The following ZNF451 variants were observed in gnomAD, a reference collection of about 807,000 sequenced individuals.
The protein encoded by ZNF451 is zinc finger protein 451.
ZNF451 carries 80 observed loss-of-function variants against 107.1 expected under a neutral mutation model. The ratio of observed to expected loss-of-function variants is 0.75; its 90% CI spans 0.62 to 0.90. The LOEUF (loss-of-function observed/expected upper bound fraction) is 0.90. Among genes scored for constraint, ZNF451 ranks in the 40% least tolerant of loss-of-function variants. The probability of loss-of-function intolerance (pLI) is 0.00; values close to 1 mark genes in which losing one functional copy is unlikely to be tolerated. For missense variants in ZNF451, 1,107 were observed against 1,236.2 expected (o/e 0.90, Z 1.57); for synonymous variants, 362 against 406.5 (o/e 0.89, Z 1.32).
At chr6:57,103,514 C>T in intron 3 of ZNF451, 1 of 985,362 alleles carries the variant, frequency 1.0e-6, no homozygotes, top group Non-Finnish European at 1.2e-6. Flanking sequence ...TCTTTAGACT[C>T]AAGGTAGTGG....
Position 57,099,121 on chromosome 6 carries a change from C to T in ZNF451, c.166C>T (p.Pro56Ser). 1 of 1,612,064 alleles carries T rather than the reference C, an allele frequency of 6.2e-7. No homozygotes were observed. Among genetic ancestry groups the T allele is most frequent in the Non-Finnish European group, 8.5e-7 (1 of 1,178,254 alleles). ...IDLVSSDDEE[P>S]STSYTDENIK... ...TCTGGTCAGCAGTGATGATGAAGAGCCTAGCACCTCTTATACTGATGTAAG... is the reference window on the plus strand; with the variant it reads ...TCTGGTCAGCAGTGATGATGAAGAGTCTAGCACCTCTTATACTGATGTAAG... Residue 56 changes from proline to serine, a missense_variant, in exon 3 of 15, where the codon CCT becomes TCT. By Grantham distance (74) the Pro-to-Ser change is moderately conservative. Coordinates refer to ENST00000370706, the MANE Select transcript of ZNF451 (RefSeq NM_001031623.3).
At chr6:57,152,859 G>A (rs1342774778) in intron 12 of ZNF451, among the ~76,000 whole-genome samples, 6 of 152,164 alleles carry the variant, frequency 3.9e-5, no homozygotes, top group African/African-American at 1.4e-4. Flanking sequence ...CTCCCAAAGT[G>A]CTGGGATTAC....
chr6:57,094,434 G>A (rs1165844112), intron 2 of ZNF451, among the ~76,000 whole-genome samples: 2 of 151,988 alleles, frequency 1.3e-5, no homozygotes, highest in African/African-American at 2.4e-5. Flanking sequence ...CCAGCCTTCC[G>A]AGTAGCTGGG....
intron 13 of ZNF451, among the ~76,000 whole-genome samples, chr6:57,154,745 A>G (rs914775020): frequency 2.0e-5 from 3 of 152,180 alleles, no homozygotes; most frequent in African/African-American, 7.2e-5. Context: ...AGAAATATGG[A>G]TAGAATAATT....
chr6:57,104,493 A>G (rs1158961003), intron 3 of ZNF451: 1 of 985,362 alleles, frequency 1.0e-6, no homozygotes, highest in Non-Finnish European at 1.2e-6. Context: ...TCTTATTTCA[A>G]ACCTTAAACT....
At chr6:57,126,055 C>G (rs892483665) in intron 4 of ZNF451, among the ~76,000 whole-genome samples, 5 of 152,086 alleles carry the variant, frequency 3.3e-5, no homozygotes, top group African/African-American at 7.2e-5. Flanking sequence ...CCCAGGCAGT[C>G]TTAATGGCTA....
chr6:57,143,462 T>C (rs1831883250), intron 9 of ZNF451, among the ~76,000 whole-genome samples: 1 of 152,224 alleles, frequency 6.6e-6, no homozygotes, highest in African/African-American at 2.4e-5. Flanking sequence ...CTCTTTAAAC[T>C]TTGAGTTTAA....
chr6:57,124,880 T>C (rs754869904), intron 4 of ZNF451, 21 bp downstream of exon 4: 1 of 1,386,686 alleles, frequency 7.2e-7, no homozygotes, highest in East Asian at 2.7e-5. Context: ...TTTTAATTGG[T>C]ATTTTATATA....
In ZNF451 at chr6:57,124,723, T is replaced by C. The variant is rs1252919713; in HGVS notation, c.187-11T>C. 6.4e-7 allele frequency: 1 copy of C among 1,558,812 alleles called. No individual in the cohort carries two copies. Among genetic ancestry groups the C allele is most frequent in the East Asian group, 2.2e-5 (1 of 44,518 alleles). On this transcript the variant is annotated splice_polypyrimidine_tract_variant and intron_variant, in intron 3 of 14. Transcript: ENST00000370706. ...TTGTTAAAAGGAATGAAAATTTTTTTCATGTTATAGGAGAATATTAAACGT... is the reference window on the plus strand; with the variant it reads ...TTGTTAAAAGGAATGAAAATTTTTTCCATGTTATAGGAGAATATTAAACGT...
intron 3 of ZNF451, chr6:57,109,347 A>G (rs1830010343): frequency 1.0e-6 from 1 of 985,282 alleles, no homozygotes; most frequent in South Asian, 4.7e-5. Context: ...GGTTTAATGG[A>G]AGGAAAAAGG....
At chr6:57,103,560 A>G (rs918747615) in intron 3 of ZNF451, 2 of 985,292 alleles carry the variant, frequency 2.0e-6, no homozygotes, top group Non-Finnish European at 2.4e-6. Context: ...CCATGTCTTC[A>G]CAGCATGACA....
At chr6:57,148,720 T>A (rs768761740) in intron 10 of ZNF451, 27 bp downstream of exon 10, 18 of 1,537,332 alleles carry the variant, frequency 1.2e-5, no homozygotes, top group Non-Finnish European at 1.6e-5. Context: ...CTATGCAAAT[T>A]TCATATACTG....
intron 3 of ZNF451, among the ~76,000 whole-genome samples, chr6:57,113,949 A>G (rs1466252068): frequency 6.6e-6 from 1 of 152,222 alleles, no homozygotes; most frequent in African/African-American, 2.4e-5. Flanking sequence ...AAAACAGTTT[A>G]GAGCCAGTTC....
rs1764025352 is a variant in ZNF451 at position 57,169,089 on chromosome 6, C to T, written c.*620C>T. On this transcript the variant is annotated 3_prime_UTR_variant, in exon 15 of 15. Transcript: ENST00000370706. ...CAGCACATTGCTAAAATAAAAAATA[C>T]ACCTTAATTTTTAAGAAATAATTTA... 1 of 152,098 alleles carries T rather than the reference C, an allele frequency of 6.6e-6. No homozygotes were observed. The highest frequency in any genetic ancestry group is 2.4e-5 in the African/African-American group (1 of 41,436). 9.4% of individuals were successfully genotyped at this position (152,098 alleles called of 1,614,324 possible).
chr6:57,098,364 ACTTGTATTCT>A (rs1829427557), intron 2 of ZNF451, among the ~76,000 whole-genome samples: 1 of 151,736 alleles, frequency 6.6e-6, no homozygotes, highest in East Asian at 2.0e-4. Flanking sequence ...TTTCCATTTT[ACTTGTATTCT>A]CTTGTATATC....
chr6:57,094,176 A>T (rs1039804518), intron 2 of ZNF451, among the ~76,000 whole-genome samples: 1 of 152,242 alleles, frequency 6.6e-6, no homozygotes, highest in Non-Finnish European at 1.5e-5. Flanking sequence ...TTCATGAAAC[A>T]TATTTTAAAA....
chr6:57,137,920 T>G (rs1182243170), intron 7 of ZNF451, among the ~76,000 whole-genome samples: 1 of 152,230 alleles, frequency 6.6e-6, no homozygotes, highest in Non-Finnish European at 1.5e-5. Context: ...TATGGTAGCA[T>G]GTATCAGTAC....
At chr6:57,160,367 C>T (rs922660884) in intron 13 of ZNF451, among the ~76,000 whole-genome samples, 3 of 151,584 alleles carry the variant, frequency 2.0e-5, no homozygotes, top group East Asian at 1.9e-4. Context: ...GGGTCCCACT[C>T]TTGTCACTCA....
intron 2 of ZNF451, among the ~76,000 whole-genome samples, chr6:57,091,857 G>A (rs1290082083): frequency 6.6e-6 from 1 of 152,184 alleles, no homozygotes; most frequent in African/African-American, 2.4e-5. Flanking sequence ...TTCTTTCCCA[G>A]CATTAGGGCC....
Sources: allele counts gnomAD v4.1 joint callset (sites outside exome capture counted in the v4.1 genomes callset), GRCh38; gene constraint gnomAD v4.1.1; transcripts MANE v1.5; gene names NCBI Gene and HGNC (gene_info 2026-07-23, HGNC 2026-07-21).